The following CROCC variants were observed in gnomAD, a reference collection of about 807,000 sequenced individuals.
The protein encoded by CROCC is rootletin.
CROCC carries 180 observed loss-of-function variants against 245.2 expected under a neutral mutation model. That is an observed-to-expected ratio of 0.73 (90% confidence interval 0.65 to 0.83). The LOEUF is 0.83. CROCC is among the 40% of genes least tolerant of loss of function. CROCC has a pLI of 0.00. For synonymous variants in CROCC, 1,205 were observed against 1,241.6 expected (o/e 0.97, Z 0.62); for missense variants, 2,688 against 2,779.4 (o/e 0.97, Z 0.74).
At chr1:16,927,106 C>T (rs1453885158) in intron 3 of CROCC, among the ~76,000 whole-genome samples, 1 of 151,816 alleles carries the variant, frequency 6.6e-6, no homozygotes, top group Non-Finnish European at 1.5e-5. Flanking sequence ...CTGGGCCCCA[C>T]ACAGACACAC....
chr1:16,922,775 A>G lies in CROCC; in HGVS notation c.173A>G (p.Asn58Ser). 1 of 1,613,132 alleles carries G rather than the reference A, an allele frequency of 6.2e-7. No individual in the cohort carries two copies. The highest frequency in any genetic ancestry group is 8.5e-7 in the Non-Finnish European group (1 of 1,179,786). Residue 58 changes from asparagine (N) to serine (S), a missense_variant, in exon 2 of 37, where the codon AAC becomes AGC. Physicochemically the swap from Asn to Ser is conservative, Grantham distance 46 (BLOSUM62 1). This residue lies in a region of CROCC where 972 missense variants were observed against 895.3 expected (regional missense o/e 1.09). Coordinates refer to ENST00000375541, the MANE Select transcript of CROCC (RefSeq NM_014675.5). ...PALIREIVTR[N>S]LSQPESPVLL... ...CTTATCAGGGAGATTGTCACCCGCA[A>G]CCTCTCCCAGCCTGAGAGCCCAGGT...
chr1:16,972,474 C>T lies in CROCC; in HGVS notation c.*28C>T. The stretch of plus-strand genomic sequence containing the variant: ...TCCTGCTGGCATCTGGAGAACACCC[C>T]TGTGCCTGGGACAGGGGAGGACCCT... On this transcript the variant is annotated 3_prime_UTR_variant, in exon 37 of 37. Transcript: ENST00000375541. 6.3e-7 allele frequency: 1 copy of T among 1,577,274 alleles called. No individual in the cohort carries two copies. The highest frequency in any genetic ancestry group is 8.7e-7 in the Non-Finnish European group (1 of 1,149,894).
intron 12 of CROCC, 63 bp downstream of exon 12, chr1:16,939,205 C>G (rs2100418680): frequency 2.6e-5 from 13 of 498,206 alleles, no homozygotes; most frequent in Non-Finnish European, 3.6e-5. Context: ...TCGCGCCCTC[C>G]GGGTGGGGGC....
In CROCC at chr1:16,948,351, G is replaced by T; in HGVS notation, c.2535G>T (p.Gly845=). The T allele has an allele frequency of 1.3e-6, 2 of 1,577,270 alleles. No individual in the cohort carries two copies. The highest frequency in any genetic ancestry group is 2.3e-5 in the East Asian group (1 of 44,336). Residue 845 remains glycine, a synonymous_variant, in exon 18 of 37, where the codon GGG becomes GGT. Transcript: ENST00000375541. ...QLAQLSRQLS[G]REQELEQARR... The stretch of plus-strand genomic sequence containing the variant: ...GCCAGCTCTCCCGGCAGCTGAGCGG[G>T]CGGGAGCAGGAGCTGGAGCAGGCCC...
chr1:16,941,731 C>CAA (rs35924979), intron 13 of CROCC, among the ~76,000 whole-genome samples: 4 of 132,412 alleles, frequency 3.0e-5, no homozygotes, highest in African/African-American at 5.7e-5. Context: ...GACTCCGTCT[C>CAA]AAAAAAAAAA....
At chr1:16,970,163 CTG>C in intron 33 of CROCC, 88 bp from the exon 34 acceptor site, 1 of 1,356,940 alleles carries the variant, frequency 7.4e-7, no homozygotes, top group Non-Finnish European at 9.8e-7. Flanking sequence ...GTCGCCTGCT[CTG>C]TGAGTGGGCC....
chr1:16,922,981 A>G (rs2075443655), intron 2 of CROCC, among the ~76,000 whole-genome samples, 183 bp downstream of exon 2: 1 of 152,276 alleles, frequency 6.6e-6, no homozygotes, highest in Admixed American at 6.5e-5. Context: ...TAATTTGTCC[A>G]GACTTATTCC....
chr1:16,946,815 G>T lies in CROCC; in HGVS notation c.2338G>T (p.Ala780Ser). The T allele has an allele frequency of 6.4e-7, 1 of 1,552,782 alleles. No individual in the cohort carries two copies. Among genetic ancestry groups the T allele is most frequent in the Non-Finnish European group, 8.7e-7 (1 of 1,147,794 alleles). Residue 780 changes from alanine to serine, a missense_variant, in exon 17 of 37, where the codon GCC becomes TCC. Transcript: ENST00000375541. ...QGRQRQAEQE[A>S]TVAREEQERL... ...CCGGCAACGGCAGGCAGAGCAGGAG[G>T]CCACAGTGGCGCGGGAAGAGCAGGA...
At chr1:16,962,428 G>C (rs1340913371) in intron 27 of CROCC, among the ~76,000 whole-genome samples, 1 of 150,448 alleles carries the variant, frequency 6.6e-6, no homozygotes, top group Non-Finnish European at 1.5e-5. Context: ...CCAGCTACTC[G>C]GGAGGCTGAG....
chr1:16,937,763 G>A, intron 10 of CROCC, 26 bp downstream of exon 10: 1 of 1,581,622 alleles, frequency 6.3e-7, no homozygotes, highest in Non-Finnish European at 8.7e-7. Context: ...CCCTGAGATG[G>A]GGCAGGGTGA....
At chr1:16,921,671 G>T (rs1254325120), upstream of CROCC, among the ~76,000 whole-genome samples, 1 of 152,266 alleles carries the variant, frequency 6.6e-6, no homozygotes, top group Non-Finnish European at 1.5e-5. Flanking sequence ...CCTGCGCAGG[G>T]TGAAGAGTGT....
intron 23 of CROCC, 119 bp from the exon 24 acceptor site, chr1:16,955,193 G>T: frequency 1.1e-6 from 1 of 933,428 alleles, no homozygotes. Flanking sequence ...CACAGCCTGC[G>T]GTCTGAGCAC....
chr1:16,944,554 GT>G (rs1557609946), intron 14 of CROCC, among the ~76,000 whole-genome samples: 2 of 152,266 alleles, frequency 1.3e-5, no homozygotes, highest in Admixed American at 6.5e-5. Context: ...ATTAGCAGTA[GT>G]ATTTTAAAAA....
intron 8 of CROCC, among the ~76,000 whole-genome samples, chr1:16,933,575 CT>C (rs371462394): frequency 1.3e-5 from 2 of 151,568 alleles, no homozygotes; most frequent in Admixed American, 6.6e-5. Flanking sequence ...TCTTTTTTTT[CT>C]TTTTTTTTGA....
At position 16,948,968 on chromosome 1, in the gene CROCC, C is replaced by T. The variant is rs369534545; in HGVS notation, c.2836+42C>T. The T allele has an allele frequency of 1.9e-5, 31 of 1,602,846 alleles. No individual in the cohort carries two copies. The African/African-American group carries it at 3.1e-4, about 16-fold the overall frequency. On this transcript the variant is annotated intron_variant, in intron 19 of 36. Coordinates refer to ENST00000375541, the MANE Select transcript of CROCC (RefSeq NM_014675.5). Reference sequence around the variant, plus strand: ...ACTTGGGGGGAACACCAGGTTCCAGCCCAGACTGCAGCCTCCCAAGGTCTG... The same window carrying T: ...ACTTGGGGGGAACACCAGGTTCCAGTCCAGACTGCAGCCTCCCAAGGTCTG...
intron 27 of CROCC, 95 bp downstream of exon 27, chr1:16,961,225 GT>G (rs1163645598): frequency 1.8e-5 from 21 of 1,197,990 alleles, no homozygotes; most frequent in South Asian, 3.2e-5. Flanking sequence ...TTTTGTTTTT[GT>G]TTTTTTTCAA....
intron 8 of CROCC, among the ~76,000 whole-genome samples, 170 bp from the exon 9 acceptor site, chr1:16,936,467 C>T (rs1260571259): frequency 3.9e-5 from 6 of 152,276 alleles, no homozygotes; most frequent in African/African-American, 1.4e-4. Context: ...TAGGGTTTCA[C>T]CATGTTGGCC....
At chr1:16,962,377 C>CA (rs2076347007) in intron 27 of CROCC, among the ~76,000 whole-genome samples, 2 of 149,062 alleles carry the variant, frequency 1.3e-5, no homozygotes, top group Admixed American at 6.7e-5. Flanking sequence ...ACTAAAAATA[C>CA]AAAAAAAATT....
intron 1 of CROCC, among the ~76,000 whole-genome samples, chr1:16,914,719 G>A (rs987438390): frequency 6.7e-6 from 1 of 149,428 alleles, no homozygotes; most frequent in African/African-American, 2.5e-5. Flanking sequence ...CTCTGTGCCC[G>A]GCAGCGTCTC....
Sources: gnomAD v4.1 joint callset for allele counts (sites outside exome capture counted in the v4.1 genomes callset) on GRCh38, gnomAD v4.1.1 for gene constraint, gnomAD v4.1.1 regional missense constraint, MANE v1.5 for transcripts, NCBI Gene and HGNC (gene_info 2026-07-23, HGNC 2026-07-21) for gene names.